KCNH8: variants seen among roughly 807,000 people sequenced by gnomAD.
The protein encoded by KCNH8 is voltage-gated delayed rectifier potassium channel KCNH8.
A neutral mutation model predicts 103.6 loss-of-function variants in KCNH8; 70 were observed. That is an observed-to-expected ratio of 0.68 (90% CI 0.56 to 0.82). The LOEUF (loss-of-function observed/expected upper bound fraction) is 0.82, where lower values mean the gene tolerates loss of function less well. Ranked by LOEUF, KCNH8 falls within the 40% of genes least tolerant of loss-of-function variation. The probability of loss-of-function intolerance (pLI) is 0.00; values close to 1 mark genes in which losing one functional copy is unlikely to be tolerated. For missense variants in KCNH8, 1,217 were observed against 1,329.9 expected (o/e 0.92, Z 1.32); for synonymous variants, 498 against 489.4 (o/e 1.02, Z -0.23).
chr3:19,258,947 C>CTATATA lies in KCNH8; in HGVS notation c.310+5090_310+5095dup, dbSNP rs71055060. ...TCTCTCTCTCTCTCTCTCTCTCTCT[C>CTATATA]TATATATATATATATATATATATAT... On this transcript the variant is annotated intron_variant, in intron 2 of 15. Transcript: ENST00000328405. Among the ~76,000 whole-genome samples the CTATATA allele has an allele frequency of 5.1e-3, 126 of 24,778 alleles. 4 individuals carry two copies. The highest frequency in any genetic ancestry group is 5.8e-3 in the Non-Finnish European group (72 of 12,462). 16.3% of individuals were successfully genotyped at this position (24,778 alleles called of 152,430 possible). A position where few individuals can be genotyped will look rare whatever the true frequency, so the allele number is the denominator to read the frequency against.
At chr3:19,349,841 C>T (rs1033923780) in intron 5 of KCNH8, among the ~76,000 whole-genome samples, 6 of 152,168 alleles carry the variant, frequency 3.9e-5, no homozygotes, top group African/African-American at 7.2e-5. Flanking sequence ...ACTGTCATTT[C>T]GACTGTGCTT....
At chr3:19,499,570 G>T in intron 11 of KCNH8, among the ~76,000 whole-genome samples, 1 of 151,910 alleles carries the variant, frequency 6.6e-6, no homozygotes, top group African/African-American at 2.4e-5. Flanking sequence ...AAGGGTAACA[G>T]CAGACTAACA....
intron 1 of KCNH8, among the ~76,000 whole-genome samples, chr3:19,215,850 T>C (rs1192936300): frequency 1.3e-5 from 2 of 152,252 alleles, no homozygotes; most frequent in Middle Eastern, 3.2e-3. Flanking sequence ...CATGTTTTCT[T>C]TGTGGCTGGA....
At chr3:19,505,658 T>C (rs1365312883) in intron 11 of KCNH8, among the ~76,000 whole-genome samples, 1 of 152,120 alleles carries the variant, frequency 6.6e-6, no homozygotes, top group African/African-American at 2.4e-5. Context: ...TCTTTCTCTT[T>C]AGTATTTCAC....
intron 7 of KCNH8, among the ~76,000 whole-genome samples, chr3:19,432,202 C>T (rs1280139832): frequency 6.6e-6 from 1 of 152,036 alleles, no homozygotes; most frequent in African/African-American, 2.4e-5. Context: ...AATGCATCCC[C>T]CTCCAATATT....
chr3:19,388,110 C>T (rs1316644127), intron 5 of KCNH8, among the ~76,000 whole-genome samples: 1 of 152,036 alleles, frequency 6.6e-6, no homozygotes, highest in Non-Finnish European at 1.5e-5. Context: ...ATGGGTTTTC[C>T]ATGAAAACTG....
chr3:19,178,188 A>T (rs13315070), intron 1 of KCNH8, among the ~76,000 whole-genome samples: 51,714 of 151,760 alleles, frequency 0.34, 12,848 homozygotes, highest in African/African-American at 0.7. Context: ...TAAAAAAAAA[A>T]TTACTTATTT....
chr3:19,338,895 T>C (rs900360471), intron 3 of KCNH8, among the ~76,000 whole-genome samples: 1 of 152,144 alleles, frequency 6.6e-6, no homozygotes, highest in Non-Finnish European at 1.5e-5. Context: ...ATATTCTAGG[T>C]CATTACTATG....
chr3:19,496,561 T>C (rs1228298182), intron 11 of KCNH8, among the ~76,000 whole-genome samples: 1 of 152,174 alleles, frequency 6.6e-6, no homozygotes, highest in Non-Finnish European at 1.5e-5. Flanking sequence ...TCTTGGTGAA[T>C]TACCTTTATG....
intron 3 of KCNH8, among the ~76,000 whole-genome samples, chr3:19,324,632 G>T (rs190879471): frequency 3.3e-5 from 5 of 152,240 alleles, no homozygotes; most frequent in Admixed American, 6.5e-5. Flanking sequence ...AGCTTGCTAG[G>T]GGGGTGAAAG....
intron 1 of KCNH8, among the ~76,000 whole-genome samples, chr3:19,180,373 G>C (rs1225307448): frequency 1.3e-5 from 2 of 151,940 alleles, no homozygotes; most frequent in Non-Finnish European, 2.9e-5. Flanking sequence ...GCTTCTTGTT[G>C]AAACAATTAT....
intron 3 of KCNH8, among the ~76,000 whole-genome samples, chr3:19,329,599 G>A (rs995732072): frequency 2.0e-5 from 3 of 152,050 alleles, no homozygotes; most frequent in African/African-American, 7.2e-5. Context: ...TTCTTTAGGA[G>A]GGTAAAACTT....
At chr3:19,384,984 C>A (rs930554982) in intron 5 of KCNH8, among the ~76,000 whole-genome samples, 1 of 151,948 alleles carries the variant, frequency 6.6e-6, no homozygotes, top group Admixed American at 6.6e-5. Flanking sequence ...GTGAAAACCA[C>A]CAAACTAGAG....
chr3:19,457,902 T>C (rs761997531), intron 11 of KCNH8, among the ~76,000 whole-genome samples: 2 of 152,044 alleles, frequency 1.3e-5, no homozygotes, highest in Non-Finnish European at 2.9e-5. Context: ...AGTATGTAGA[T>C]AATATCCCAT....
intron 2 of KCNH8, among the ~76,000 whole-genome samples, chr3:19,270,152 T>C (rs1320089839): frequency 6.6e-6 from 1 of 152,186 alleles, no homozygotes; most frequent in East Asian, 1.9e-4. Flanking sequence ...GAAGTTTTAC[T>C]ATGCTCATTT....
intron 7 of KCNH8, among the ~76,000 whole-genome samples, chr3:19,436,725 A>C (rs1025107576): frequency 6.6e-6 from 1 of 152,204 alleles, no homozygotes; most frequent in Non-Finnish European, 1.5e-5. Context: ...GAGACACACC[A>C]TCTCACACAT....
At chr3:19,152,091 A>G (rs139447696) in intron 1 of KCNH8, among the ~76,000 whole-genome samples, 77 of 152,206 alleles carry the variant, frequency 5.1e-4, no homozygotes, top group African/African-American at 1.8e-3. Context: ...ATACACACAT[A>G]CACCACACAC....
intron 5 of KCNH8, among the ~76,000 whole-genome samples, chr3:19,362,704 T>C (rs1373399750): frequency 1.3e-5 from 2 of 152,154 alleles, no homozygotes; most frequent in Admixed American, 1.3e-4. Context: ...CACTCTGTCA[T>C]GCAGGCTGGA....
At position 19,251,329 on chromosome 3, in the gene KCNH8, C is replaced by T. The variant is rs2064275001; in HGVS notation, c.77-2325C>T. 2.0e-5 allele frequency among the ~76,000 whole-genome samples: 3 copies of T among 151,874 alleles called. No individual in the cohort carries two copies. The South Asian group carries it at 6.3e-4, about 32-fold the overall frequency. ...TGAGTCTAGGGTAATGCACCTCACT[C>T]CTGTGGCCTCAAAACAATGTATAAT... On this transcript the variant is annotated intron_variant, in intron 1 of 15. Transcript: ENST00000328405.
Sources: allele counts gnomAD v4.1 joint callset (sites outside exome capture counted in the v4.1 genomes callset), GRCh38; gene constraint gnomAD v4.1.1; transcripts MANE v1.5; gene names NCBI Gene and HGNC (gene_info 2026-07-23, HGNC 2026-07-21).